Variants in ADGRL3 observed in about 807,000 individuals in gnomAD.
The protein encoded by ADGRL3 is adhesion G protein-coupled receptor L3.
ADGRL3 carries 62 observed loss-of-function variants against 153.5 expected under a neutral mutation model. The observed-to-expected ratio is 0.40, with a 90% CI of 0.33 to 0.50. The LOEUF is 0.50. Among genes scored for constraint, ADGRL3 ranks in the 20% least tolerant of loss-of-function variants. The pLI, the probability that ADGRL3 is intolerant of heterozygous loss-of-function variation, is 0.47. For missense variants in ADGRL3, 1,641 were observed against 1,859.4 expected (o/e 0.88, Z 2.16); for synonymous variants, 710 against 672.5 (o/e 1.06, Z -0.86).
chr4:61,871,524 A>C (rs934449461), intron 9 of ADGRL3, among the ~76,000 whole-genome samples: 1 of 152,172 alleles, frequency 6.6e-6, no homozygotes, highest in African/African-American at 2.4e-5. Context: ...CACTAAAGGC[A>C]CATACTGTAT....
At chr4:61,860,530 CT>C (rs2098329894) in intron 9 of ADGRL3, among the ~76,000 whole-genome samples, 1 of 151,908 alleles carries the variant, frequency 6.6e-6, no homozygotes, top group Non-Finnish European at 1.5e-5. Flanking sequence ...GAGTAGAAGA[CT>C]TTTATGATGC....
At chr4:61,768,632 C>T (rs1292368301) in intron 8 of ADGRL3, among the ~76,000 whole-genome samples, 3 of 151,936 alleles carry the variant, frequency 2.0e-5, no homozygotes, top group South Asian at 2.1e-4. Context: ...TGGGGTCAAG[C>T]GGCATTGCAG....
At chr4:61,769,080 G>A (rs1394207639) in intron 8 of ADGRL3, among the ~76,000 whole-genome samples, 14 of 151,698 alleles carry the variant, frequency 9.2e-5, no homozygotes, top group South Asian at 8.3e-4. Context: ...CCAGGAAAGC[G>A]GGACTTGCCG....
At chr4:61,555,623 G>A (rs76960210) in intron 4 of ADGRL3, among the ~76,000 whole-genome samples, 1,980 of 152,248 alleles carry the variant, frequency 0.013, 28 homozygotes, top group South Asian at 0.043. Context: ...TCCAGACCCC[G>A]AGAGGGATCT....
intron 5 of ADGRL3, among the ~76,000 whole-genome samples, chr4:61,640,528 TTTTGA>T (rs2093618286): frequency 6.6e-6 from 1 of 152,206 alleles, no homozygotes; most frequent in Non-Finnish European, 1.5e-5. Flanking sequence ...ATCATAAGCC[TTTTGA>T]TTTATTTATC....
chr4:61,506,562 G>A (rs757811330), intron 3 of ADGRL3, among the ~76,000 whole-genome samples: 3 of 152,026 alleles, frequency 2.0e-5, no homozygotes, highest in Non-Finnish European at 2.9e-5. Context: ...ATGTTAAAGG[G>A]TGTTGAAAAG....
chr4:61,385,518 G>C (rs1285926754), intron 2 of ADGRL3: 2 of 152,140 alleles, frequency 1.3e-5, no homozygotes, highest in Non-Finnish European at 2.9e-5. Flanking sequence ...CAACTCCTCC[G>C]TGAATTTCAC....
intron 1 of ADGRL3, among the ~76,000 whole-genome samples, chr4:61,224,083 A>C (rs189225616): frequency 4.0e-4 from 61 of 152,152 alleles, no homozygotes; most frequent in Admixed American, 2.0e-3. Context: ...ATAATACTTA[A>C]ATTTTTATTT....
intron 5 of ADGRL3, among the ~76,000 whole-genome samples, chr4:61,643,357 G>A (rs1467947566): frequency 6.6e-6 from 1 of 151,866 alleles, no homozygotes; most frequent in African/African-American, 2.4e-5. Flanking sequence ...GGGCATCCCT[G>A]TCTTGTGCCA....
intron 1 of ADGRL3, among the ~76,000 whole-genome samples, chr4:61,366,512 C>A (rs1438999304): frequency 6.6e-6 from 1 of 152,094 alleles, no homozygotes; most frequent in Non-Finnish European, 1.5e-5. Flanking sequence ...GGATTTGGAC[C>A]AAATCCATTT....
intron 2 of ADGRL3, among the ~76,000 whole-genome samples, chr4:61,421,329 G>A (rs931049183): frequency 2.9e-4 from 44 of 151,248 alleles, no homozygotes; most frequent in Non-Finnish European, 5.3e-4. Flanking sequence ...GCAAGACTTC[G>A]TCTCAAAAAA....
chr4:61,686,367 T>C (rs2095443544), intron 6 of ADGRL3, among the ~76,000 whole-genome samples: 1 of 152,114 alleles, frequency 6.6e-6, no homozygotes, highest in East Asian at 1.9e-4. Context: ...TCTAAATAAA[T>C]GTAAAATTGA....
chr4:61,734,979 T>G (rs915520639), intron 8 of ADGRL3, among the ~76,000 whole-genome samples: 2 of 152,238 alleles, frequency 1.3e-5, no homozygotes, highest in Non-Finnish European at 1.5e-5. Flanking sequence ...TTAATATTTC[T>G]TATTTTCTGC....
chr4:61,876,732 TA>T (rs1273491901), intron 9 of ADGRL3, among the ~76,000 whole-genome samples: 18 of 149,524 alleles, frequency 1.2e-4, no homozygotes, highest in East Asian at 1.2e-3. Flanking sequence ...TAAAGTATAA[TA>T]AAAAAAATAA....
chr4:61,585,910 G>A (rs1044477107), intron 4 of ADGRL3, among the ~76,000 whole-genome samples: 2 of 151,890 alleles, frequency 1.3e-5, no homozygotes, highest in Non-Finnish European at 2.9e-5. Context: ...AAGGACAAAT[G>A]TTTATTTTTC....
chr4:62,043,079 A>G (rs887121332), intron 24 of ADGRL3, among the ~76,000 whole-genome samples: 2 of 152,126 alleles, frequency 1.3e-5, no homozygotes, highest in Admixed American at 6.6e-5. Flanking sequence ...ATATTATTGT[A>G]TAGTTTATTC....
intron 1 of ADGRL3, among the ~76,000 whole-genome samples, chr4:61,344,417 G>A (rs986003900): frequency 6.6e-6 from 1 of 152,148 alleles, no homozygotes; most frequent in Non-Finnish European, 1.5e-5. Flanking sequence ...ATTAACAAAA[G>A]TCACTGTCAG....
chr4:61,980,571 C>G (rs2099064714), intron 18 of ADGRL3, among the ~76,000 whole-genome samples: 1 of 151,942 alleles, frequency 6.6e-6, no homozygotes, highest in South Asian at 2.1e-4. Context: ...TCTGGAGTAG[C>G]TGGGACTACA....
At chr4:61,461,266 C>A (rs1193461743) in intron 2 of ADGRL3, among the ~76,000 whole-genome samples, 1 of 152,102 alleles carries the variant, frequency 6.6e-6, no homozygotes, top group Admixed American at 6.5e-5. Context: ...TTAGTACCAA[C>A]AAACAGTTAG....
Sources: allele counts gnomAD v4.1 joint callset (sites outside exome capture counted in the v4.1 genomes callset), GRCh38; gene constraint gnomAD v4.1.1; transcripts MANE v1.5; gene names NCBI Gene and HGNC (gene_info 2026-07-23, HGNC 2026-07-21).